EFR3A: variants seen among roughly 807,000 people sequenced by gnomAD.
EFR3A encodes EFR3 homolog A.
In EFR3A, 76 loss-of-function variants were observed where a neutral mutation model predicts 104.4. That is an observed-to-expected ratio of 0.73 (90% CI 0.60 to 0.88). The LOEUF (loss-of-function observed/expected upper bound fraction) is 0.88. Among genes scored for constraint, EFR3A ranks in the 40% least tolerant of loss-of-function variants. The pLI is 0.00. For synonymous variants in EFR3A, 330 were observed against 330.0 expected, an observed-to-expected ratio of 1.00 and a Z score of 0.00; for missense variants, 985 against 1,012.5, an observed-to-expected ratio of 0.97 and a Z score of 0.37.
chr8:131,912,442 A>G (rs1012752083), intron 1 of EFR3A, among the ~76,000 whole-genome samples: 2 of 152,218 alleles, frequency 1.3e-5, no homozygotes, highest in African/African-American at 4.8e-5. Flanking sequence ...GGTCTCTTAG[A>G]TTACCAAAAG....
intron 14 of EFR3A, among the ~76,000 whole-genome samples, chr8:131,981,960 T>G (rs1820636857): frequency 6.6e-6 from 1 of 152,182 alleles, no homozygotes; most frequent in South Asian, 2.1e-4. Flanking sequence ...AAAGCTCTTG[T>G]TAATGTTTCA....
Position 131,946,259 on chromosome 8 carries a change from G to A in EFR3A, c.216-224G>A, listed in dbSNP as rs544994162. 6.6e-5 allele frequency among the ~76,000 whole-genome samples: 10 copies of A among 151,996 alleles called. No individual in the cohort carries two copies. In the South Asian group the frequency reaches 2.1e-3, roughly 32 times the overall value. ...CTCACATAGTTAAGGAGAAAATGGG[G>A]GAATACAGTGTATATTTTCTGTATA... On this transcript the variant is annotated intron_variant, in intron 3 of 22. Coordinates refer to ENST00000254624, the MANE Select transcript of EFR3A (RefSeq NM_015137.6).
chr8:131,922,336 G>A (rs552835862), intron 1 of EFR3A, among the ~76,000 whole-genome samples: 20 of 151,926 alleles, frequency 1.3e-4, no homozygotes, highest in Non-Finnish European at 2.5e-4. Flanking sequence ...AATCTAAAAT[G>A]CCCCCAAATT....
At chr8:131,914,105 A>G (rs764343664) in intron 1 of EFR3A, among the ~76,000 whole-genome samples, 12 of 152,200 alleles carry the variant, frequency 7.9e-5, no homozygotes, top group Non-Finnish European at 1.6e-4. Flanking sequence ...TCATCCCACC[A>G]TCTGCTGCAG....
intron 18 of EFR3A, among the ~76,000 whole-genome samples, chr8:131,990,907 G>A (rs930966376): frequency 5.3e-5 from 8 of 151,940 alleles, no homozygotes; most frequent in Non-Finnish European, 7.4e-5. Context: ...CTGAGGGGAC[G>A]CATAGGATTT....
At chr8:131,996,612 T>A in intron 19 of EFR3A, 115 bp downstream of exon 19, 1 of 563,872 alleles carries the variant, frequency 1.8e-6, no homozygotes, top group South Asian at 2.5e-5. Context: ...TATCCTCAAA[T>A]CAACTAAATT....
Position 131,983,512 on chromosome 8 carries a change from T to C in EFR3A, c.1576-627T>C, listed in dbSNP as rs140387735. ...GCTTTAATAATCTTTATTATAATAA[T>C]AAATAATAAATCTTTATTATAATAA... On this transcript the variant is annotated intron_variant, in intron 14 of 22. Transcript: ENST00000254624. Among the ~76,000 whole-genome samples the C allele has an allele frequency of 2.8e-3, 422 of 152,158 alleles. 1 individual carries two copies. The highest frequency in any genetic ancestry group is 9.7e-3 in the African/African-American group (404 of 41,544).
intron 1 of EFR3A, among the ~76,000 whole-genome samples, chr8:131,909,606 C>A (rs1357010980): frequency 6.6e-6 from 1 of 152,008 alleles, no homozygotes; most frequent in Non-Finnish European, 1.5e-5. Flanking sequence ...CTGTCTGTAC[C>A]ACATTTGAGG....
chr8:131,961,040 T>C (rs1819291541), intron 8 of EFR3A, among the ~76,000 whole-genome samples: 1 of 152,084 alleles, frequency 6.6e-6, no homozygotes, highest in African/African-American at 2.4e-5. Context: ...AGAAAGGACA[T>C]CCACACCAAA....
At chr8:131,968,534 C>T (rs2270879) in intron 9 of EFR3A, 104 bp downstream of exon 9, 565,749 of 1,188,246 alleles carry the variant, frequency 0.48, 136,688 homozygotes, top group African/African-American at 0.53. Flanking sequence ...TATTTCTACA[C>T]ATTTTTCGGT....
Position 131,950,043 on chromosome 8 carries a change from C to T in EFR3A, c.441C>T (p.Phe147=). Residue 147 remains phenylalanine (F), a synonymous_variant, in exon 5 of 23, where the codon TTC becomes TTT. Coordinates refer to ENST00000254624, the MANE Select transcript of EFR3A (RefSeq NM_015137.6). ...HRRYDFFVSR[F]SAMCHSCHSD... ...GTTATGACTTTTTTGTGTCTCGATT[C>T]AGTGCCATGTGCCATTCCTGTCATA... 1 of 1,609,830 alleles carries T rather than the reference C, an allele frequency of 6.2e-7. No individual in the cohort carries two copies. Among genetic ancestry groups the T allele is most frequent in the Non-Finnish European group, 8.5e-7 (1 of 1,178,046 alleles).
intron 2 of EFR3A, among the ~76,000 whole-genome samples, chr8:131,943,853 T>G (rs1818289787): frequency 6.6e-6 from 1 of 152,012 alleles, no homozygotes; most frequent in South Asian, 2.1e-4. Flanking sequence ...GGCTTCCACC[T>G]TCTCTGGGAA....
chr8:131,925,065 T>TTA, intron 1 of EFR3A, among the ~76,000 whole-genome samples: 1 of 152,256 alleles, frequency 6.6e-6, no homozygotes, highest in Admixed American at 6.5e-5. Flanking sequence ...TCTTAGTTCC[T>TTA]TAGTCTAACC....
intron 8 of EFR3A, among the ~76,000 whole-genome samples, chr8:131,964,396 G>C (rs899479643): frequency 6.6e-6 from 1 of 151,706 alleles, no homozygotes; most frequent in Non-Finnish European, 1.5e-5. Flanking sequence ...AAATCAATGT[G>C]CAAAAATCAC....
chr8:131,999,368 A>G (rs1821670736), intron 19 of EFR3A, among the ~76,000 whole-genome samples: 1 of 152,188 alleles, frequency 6.6e-6, no homozygotes, highest in South Asian at 2.1e-4. Context: ...CTATCAAATT[A>G]CTATATTAGT....
intron 19 of EFR3A, among the ~76,000 whole-genome samples, chr8:131,998,615 G>T (rs1821622382): frequency 6.6e-6 from 1 of 151,938 alleles, no homozygotes; most frequent in African/African-American, 2.4e-5. Flanking sequence ...TTTTCTAAAA[G>T]TTGCCATATA....
intron 17 of EFR3A, among the ~76,000 whole-genome samples, chr8:131,986,538 C>G (rs1424089614): frequency 6.6e-6 from 1 of 152,092 alleles, no homozygotes; most frequent in Non-Finnish European, 1.5e-5. Flanking sequence ...AATCCTAACA[C>G]TTCGGGACGC....
At chr8:131,926,200 A>G (rs1000867428) in intron 1 of EFR3A, among the ~76,000 whole-genome samples, 39 of 152,190 alleles carry the variant, frequency 2.6e-4, no homozygotes, top group African/African-American at 9.4e-4. Flanking sequence ...AGGCTAATTC[A>G]TTGATCAAGA....
chr8:131,923,268 A>C (rs564674738), intron 1 of EFR3A, among the ~76,000 whole-genome samples: 1 of 152,246 alleles, frequency 6.6e-6, no homozygotes, highest in South Asian at 2.1e-4. Context: ...GTATAAAGCT[A>C]AAATAAGCCA....
Sources: gnomAD v4.1 joint callset for allele counts (sites outside exome capture counted in the v4.1 genomes callset) on GRCh38, gnomAD v4.1.1 for gene constraint, MANE v1.5 for transcripts, NCBI Gene and HGNC (gene_info 2026-07-23, HGNC 2026-07-21) for gene names.